The following SS18 variants were observed in gnomAD, a reference collection of about 807,000 sequenced individuals.
The protein encoded by SS18 is SS18 subunit of BAF chromatin remodeling complex, also known as protein SSXT.
A neutral mutation model predicts 72.5 loss-of-function variants in SS18; 28 were observed. The ratio of observed to expected loss-of-function variants is 0.39; its 90% confidence interval spans 0.29 to 0.53. The LOEUF (loss-of-function observed/expected upper bound fraction) is 0.53, where lower values mean the gene tolerates loss of function less well. Ranked by LOEUF, SS18 falls within the 20% of genes least tolerant of loss-of-function variation. The pLI is 0.76. For synonymous variants in SS18, 172 were observed against 164.2 expected (o/e 1.05, Z -0.37); for missense variants, 518 against 535.3 (o/e 0.97, Z 0.32).
intron 10 of SS18, among the ~76,000 whole-genome samples, chr18:26,024,405 G>A (rs1322853411): frequency 6.6e-6 from 1 of 152,162 alleles, no homozygotes; most frequent in Non-Finnish European, 1.5e-5. Flanking sequence ...ACTTACTGCA[G>A]CCTCGACCTC....
At chr18:26,039,904 G>T (rs1056991024) in intron 5 of SS18, among the ~76,000 whole-genome samples, 1 of 152,132 alleles carries the variant, frequency 6.6e-6, no homozygotes, top group African/African-American at 2.4e-5. Context: ...CAAATCTCTA[G>T]ATTTTTACTT....
intron 2 of SS18, among the ~76,000 whole-genome samples, chr18:26,084,989 C>G (rs544717280): frequency 7.8e-4 from 118 of 152,204 alleles, no homozygotes; most frequent in Non-Finnish European, 1.1e-3. Flanking sequence ...GAAATACACA[C>G]TGAGGTTATT....
At chr18:26,089,319 G>A (rs2054672762) in intron 1 of SS18, among the ~76,000 whole-genome samples, 1 of 152,214 alleles carries the variant, frequency 6.6e-6, no homozygotes, top group African/African-American at 2.4e-5. Context: ...GGAGCTGTTT[G>A]CCAGGCTGCA....
rs371904036 is a variant in SS18, at chr18:26,090,591, G to A, written c.-22C>T. 20 of 1,564,246 alleles carry A rather than the reference G, an allele frequency of 1.3e-5. No homozygotes were observed. In the East Asian group the frequency reaches 2.7e-4, roughly 21 times the overall value. Reference sequence around the variant, plus strand: ...ACATGTTGCCGCCGTCACCACTATCGGCAAGTCCCGAGCGCTCCGGGTGAA... The same window carrying A: ...ACATGTTGCCGCCGTCACCACTATCAGCAAGTCCCGAGCGCTCCGGGTGAA... On this transcript the variant is annotated 5_prime_UTR_variant, in exon 1 of 11. Transcript: ENST00000415083.
chr18:26,054,743 C>CT (rs778326015), intron 4 of SS18, among the ~76,000 whole-genome samples: 1,655 of 134,044 alleles, frequency 0.012, 31 homozygotes, highest in African/African-American at 0.042. Flanking sequence ...ATCTCTCTCT[C>CT]TTTTTTTTTT....
At chr18:26,053,263 T>C (rs1302311271) in intron 4 of SS18, among the ~76,000 whole-genome samples, 1 of 152,224 alleles carries the variant, frequency 6.6e-6, no homozygotes, top group Admixed American at 6.5e-5. Context: ...ACTAATTCAG[T>C]AAATGGTATT....
At chr18:26,031,858 G>C (rs1426868693) in intron 10 of SS18, among the ~76,000 whole-genome samples, 2 of 152,136 alleles carry the variant, frequency 1.3e-5, no homozygotes, top group Non-Finnish European at 2.9e-5. Context: ...ATGCTGGAGT[G>C]AAGTGGAGTG....
chr18:26,065,253 G>A (rs957640234), intron 3 of SS18, among the ~76,000 whole-genome samples: 5 of 152,064 alleles, frequency 3.3e-5, no homozygotes, highest in Admixed American at 6.5e-5. Flanking sequence ...AAAATGCAAA[G>A]GACCCAGAAT....
rs2053261591 is a variant in SS18, at chr18:26,017,012, T to C, written c.*1342A>G. 4.4e-6 allele frequency: 1 copy of C among 225,650 alleles called. No individual in the cohort carries two copies. Among genetic ancestry groups the C allele is most frequent in the Non-Finnish European group, 8.8e-6 (1 of 113,190 alleles). The allele number at this position is 225,650 out of a possible 1,614,324, so 14.0% of individuals were successfully genotyped here. A position where few individuals can be genotyped will look rare whatever the true frequency, so the allele number is the denominator to read the frequency against. The stretch of plus-strand genomic sequence containing the variant: ...TAGCAACTTACCTTTGGGCTAGATG[T>C]TTTCAGATTATGCTTAAATAACCGT... On this transcript the variant is annotated 3_prime_UTR_variant, in exon 11 of 11. Transcript: ENST00000415083.
At chr18:26,055,645 G>A (rs2054004524) in intron 4 of SS18, among the ~76,000 whole-genome samples, 1 of 151,986 alleles carries the variant, frequency 6.6e-6, no homozygotes, top group Non-Finnish European at 1.5e-5. Flanking sequence ...AAACAGGTTG[G>A]CTAAATGCTA....
chr18:26,063,208 G>A (rs2054154254), intron 3 of SS18, among the ~76,000 whole-genome samples: 1 of 143,104 alleles, frequency 7.0e-6, no homozygotes. Flanking sequence ...CAGTAGGCCG[G>A]GCACAGTGGA....
chr18:26,065,122 T>A (rs193089788), intron 3 of SS18, among the ~76,000 whole-genome samples: 2 of 152,264 alleles, frequency 1.3e-5, no homozygotes, highest in Non-Finnish European at 1.5e-5. Flanking sequence ...CTGGAAGATT[T>A]ATTAATAATA....
chr18:26,070,069 G>A (rs2054287470), intron 3 of SS18, among the ~76,000 whole-genome samples: 1 of 152,100 alleles, frequency 6.6e-6, no homozygotes, highest in African/African-American at 2.4e-5. Context: ...CTTACTGGGG[G>A]TAATGGGTAC....
chr18:26,061,633 A>G (rs2144044160), intron 3 of SS18, among the ~76,000 whole-genome samples: 1 of 152,276 alleles, frequency 6.6e-6, no homozygotes, highest in African/African-American at 2.4e-5. Context: ...GAAGATGACA[A>G]AATGACATCT....
At position 26,063,495 on chromosome 18, in the gene SS18, C is replaced by T. The variant is rs190342164; in HGVS notation, c.232-5753G>A. Among the ~76,000 whole-genome samples, 254 of 151,676 alleles carry T rather than the reference C, an allele frequency of 1.7e-3. 1 individual carries two copies. The highest frequency in any genetic ancestry group is 4.6e-3 in the South Asian group (22 of 4,774). On this transcript the variant is annotated intron_variant, in intron 3 of 10. Coordinates refer to ENST00000415083, the MANE Select transcript of SS18 (RefSeq NM_001007559.3). ...CCATGCCACTGCACTTCAGCCTGGG[C>T]GACAGAGCGAGACTCCATCTCCAAA...
At chr18:26,053,957 C>G (rs1165546913) in intron 4 of SS18, among the ~76,000 whole-genome samples, 1 of 152,076 alleles carries the variant, frequency 6.6e-6, no homozygotes, top group Non-Finnish European at 1.5e-5. Flanking sequence ...GTAGTTGTCC[C>G]TCAGTATCTG....
intron 3 of SS18, among the ~76,000 whole-genome samples, chr18:26,073,870 G>C (rs1391351241): frequency 1.3e-5 from 2 of 152,154 alleles, no homozygotes; most frequent in African/African-American, 4.8e-5. Context: ...ATTTTTACTT[G>C]AAAGAACAAT....
intron 4 of SS18, among the ~76,000 whole-genome samples, chr18:26,055,787 C>G (rs2054010103): frequency 1.5e-5 from 2 of 131,018 alleles, no homozygotes; most frequent in African/African-American, 5.7e-5. Context: ...TTGATGGAGT[C>G]TCACTCTGTC....
At chr18:26,023,658 A>C (rs2053392555) in intron 10 of SS18, 1 of 528,864 alleles carries the variant, frequency 1.9e-6, no homozygotes, top group Non-Finnish European at 3.6e-6. Context: ...ATATCTTTCA[A>C]AAATAAAGGC....
Sources: allele counts gnomAD v4.1 joint callset (sites outside exome capture counted in the v4.1 genomes callset), GRCh38; gene constraint gnomAD v4.1.1; transcripts MANE v1.5; gene names NCBI Gene and HGNC (gene_info 2026-07-23, HGNC 2026-07-21).